Variants in BCAS3 observed in about 807,000 individuals in gnomAD.
BCAS3 encodes the protein BCAS4/BCAS3 fusion.
BCAS3 carries 53 observed loss-of-function variants against 116.1 expected under a neutral mutation model. That is an observed-to-expected ratio of 0.46 (90% CI 0.37 to 0.57). The LOEUF is 0.57. Among genes scored for constraint, BCAS3 ranks in the 20% least tolerant of loss-of-function variants. The pLI is 0.00. For missense variants in BCAS3, 917 were observed against 1,165.4 expected, an observed-to-expected ratio of 0.79 and a Z score of 3.10; for synonymous variants, 391 against 408.2, an observed-to-expected ratio of 0.96 and a Z score of 0.51.
At chr17:60,937,760 T>A (rs1201933504) in intron 13 of BCAS3, among the ~76,000 whole-genome samples, 1 of 152,218 alleles carries the variant, frequency 6.6e-6, no homozygotes, top group Non-Finnish European at 1.5e-5. Context: ...TTACTATCCC[T>A]TCTGTCTACC....
At chr17:61,264,189 T>C (rs779618584) in intron 22 of BCAS3, among the ~76,000 whole-genome samples, 4 of 152,034 alleles carry the variant, frequency 2.6e-5, no homozygotes, top group Non-Finnish European at 5.9e-5. Context: ...CAAAATAAGC[T>C]CTATTTAAAT....
chr17:61,115,834 A>T (rs1352807092), intron 22 of BCAS3, among the ~76,000 whole-genome samples: 2 of 151,308 alleles, frequency 1.3e-5, no homozygotes, highest in African/African-American at 4.8e-5. Context: ...AAGACTTGGA[A>T]CCAACCCAAA....
chr17:60,988,398 C>G (rs1167371251), intron 14 of BCAS3, among the ~76,000 whole-genome samples: 2 of 129,920 alleles, frequency 1.5e-5, no homozygotes, highest in Non-Finnish European at 3.1e-5. Flanking sequence ...GTAATAAAAG[C>G]ATTGTGGAAT....
At chr17:61,009,074 A>G (rs947815913) in intron 15 of BCAS3, among the ~76,000 whole-genome samples, 2 of 152,064 alleles carry the variant, frequency 1.3e-5, no homozygotes, top group East Asian at 3.9e-4. Context: ...AGTCTAGAGT[A>G]CTGAGTTATA....
At chr17:60,943,935 A>G (rs948679292) in intron 13 of BCAS3, among the ~76,000 whole-genome samples, 1 of 152,140 alleles carries the variant, frequency 6.6e-6, no homozygotes, top group African/African-American at 2.4e-5. Flanking sequence ...TTAAAACTGA[A>G]TATAAATGAA....
chr17:60,700,398 G>A lies in BCAS3; in HGVS notation c.215-8821G>A, dbSNP rs145781816. Among the ~76,000 whole-genome samples the A allele has an allele frequency of 4.9e-3, 748 of 152,256 alleles. 4 individuals are homozygous for A. The highest frequency in any genetic ancestry group is 0.014 in the Middle Eastern group (4 of 294). ...CTGGCTTTGCCAATGGGGTAATGAT[G>A]CTTTTCACCAAAATAAGGGACCCTG... is the stretch of plus-strand genomic sequence containing the variant. On this transcript the variant is annotated intron_variant, in intron 4 of 23. Transcript: ENST00000407086.
chr17:60,986,111 A>G (rs887774594), intron 14 of BCAS3, among the ~76,000 whole-genome samples: 2 of 152,210 alleles, frequency 1.3e-5, no homozygotes, highest in African/African-American at 4.8e-5. Flanking sequence ...TAAGTGGCTT[A>G]TTTCACTTAA....
rs1292897137 is a variant in BCAS3 at position 61,097,176 on chromosome 17, TTTTTTTC to T, written c.2425+12626_2425+12632del. On this transcript the variant is annotated intron_variant, in intron 22 of 23. Transcript: ENST00000407086. The surrounding 1 kb of genome is among the most constrained non-coding windows in gnomAD (Gnocchi z 4.0). ...GAAGCCTACTCTGTTTCTTTATTTG[TTTTTTTC>T]TTTTTTCTTTTTTGAGACTGAGTCT... Among the ~76,000 whole-genome samples the T allele has an allele frequency of 2.6e-5, 4 of 152,118 alleles. No homozygotes were observed. The highest frequency in any genetic ancestry group is 2.1e-4 in the South Asian group (1 of 4,818).
chr17:61,350,412 C>CGCAA (rs1555844757), intron 22 of BCAS3, among the ~76,000 whole-genome samples: 1 of 69,950 alleles, frequency 1.4e-5, no homozygotes, highest in Non-Finnish European at 3.6e-5. Flanking sequence ...GAGACTCTGT[C>CGCAA]TCAATAAATA....
At chr17:61,299,046 C>T (rs1168515940) in intron 22 of BCAS3, among the ~76,000 whole-genome samples, 1 of 147,526 alleles carries the variant, frequency 6.8e-6, no homozygotes, top group African/African-American at 2.6e-5. Context: ...TGGTCTCTAA[C>T]TCCTGACTTT....
At position 61,339,753 on chromosome 17, in the gene BCAS3, G is replaced by A. The variant is rs930132243; in HGVS notation, c.2426-28574G>A. 2.0e-5 allele frequency among the ~76,000 whole-genome samples: 3 copies of A among 150,354 alleles called. No homozygotes were observed. Among genetic ancestry groups the A allele is most frequent in the Non-Finnish European group, 3.0e-5 (2 of 67,738 alleles). On this transcript the variant is annotated intron_variant, in intron 22 of 23. Coordinates refer to ENST00000407086, the MANE Select transcript of BCAS3 (RefSeq NM_017679.5). The surrounding 1 kb of genome is among the most constrained non-coding windows in gnomAD (Gnocchi z 4.4). ...TGTACTCCAGTCGGGGCGACAAAGC[G>A]AGACCCCATCTAAAAAAAAAAAAAA...
At chr17:61,015,630 A>T (rs143643800) in intron 15 of BCAS3, 121 bp from the exon 16 acceptor site, 7 of 1,001,702 alleles carry the variant, frequency 7.0e-6, no homozygotes, top group Non-Finnish European at 7.6e-6. Flanking sequence ...CTTGGCATCA[A>T]TTCTACCTTT....
chr17:60,943,621 A>T (rs1192941462), intron 13 of BCAS3, among the ~76,000 whole-genome samples: 1 of 152,122 alleles, frequency 6.6e-6, no homozygotes, highest in Non-Finnish European at 1.5e-5. Context: ...TGGAGACTGT[A>T]ACTCCTACTC....
At chr17:60,759,786 T>G (rs923472080) in intron 6 of BCAS3, among the ~76,000 whole-genome samples, 1 of 152,146 alleles carries the variant, frequency 6.6e-6, no homozygotes, top group African/African-American at 2.4e-5. Context: ...CACCACAGCC[T>G]CCTGAGTAGC....
chr17:61,380,978 A>G lies in BCAS3; in HGVS notation c.2594-10999A>G, dbSNP rs938906948. ...GGAGCCTGGAGCTGGCCCCTAGTAT[A>G]ATTGGTGCTGTCTCTATTTTTACAT... On this transcript the variant is annotated intron_variant, in intron 23 of 23. Transcript: ENST00000407086. This position sits in a 1 kb window ranked among gnomAD's most constrained non-coding sequence, Gnocchi z 4.2. Among the ~76,000 whole-genome samples the G allele has an allele frequency of 5.9e-5, 9 of 152,306 alleles. No homozygotes were observed. Among genetic ancestry groups the G allele is most frequent in the African/African-American group, 1.9e-4 (8 of 41,564 alleles).
At chr17:61,085,459 T>G (rs1322438960) in intron 22 of BCAS3, among the ~76,000 whole-genome samples, 1 of 152,190 alleles carries the variant, frequency 6.6e-6, no homozygotes, top group Non-Finnish European at 1.5e-5. Flanking sequence ...AACACAAAAC[T>G]GATTTGTGAA....
At chr17:60,815,080 G>A (rs1243283298) in intron 7 of BCAS3, among the ~76,000 whole-genome samples, 1 of 152,160 alleles carries the variant, frequency 6.6e-6, no homozygotes, top group Non-Finnish European at 1.5e-5. Context: ...TTAAGAAAAT[G>A]TGGCACATAT....
At chr17:60,750,097 G>A in intron 6 of BCAS3, among the ~76,000 whole-genome samples, 2 of 152,058 alleles carry the variant, frequency 1.3e-5, no homozygotes, top group Non-Finnish European at 2.9e-5. Context: ...AACTTGGGAG[G>A]CAGAGGTTGC....
intron 10 of BCAS3, among the ~76,000 whole-genome samples, chr17:60,900,434 G>T (rs992604093): frequency 2.6e-5 from 4 of 152,022 alleles, no homozygotes; most frequent in East Asian, 3.9e-4. Flanking sequence ...ACTTACCCTT[G>T]CCTTGTGTTG....
Sources: gnomAD v4.1 joint callset for allele counts (sites outside exome capture counted in the v4.1 genomes callset) on GRCh38, gnomAD v4.1.1 for gene constraint, Gnocchi (gnomAD v3.1) non-coding constraint, MANE v1.5 for transcripts, NCBI Gene and HGNC (gene_info 2026-07-23, HGNC 2026-07-21) for gene names.